MAPKAP1: variants seen among roughly 807,000 people sequenced by gnomAD.
The protein encoded by MAPKAP1 is MAPK associated protein 1.
In MAPKAP1, 20 loss-of-function variants were observed where a neutral mutation model predicts 65.7. That is an observed-to-expected ratio of 0.30 (90% CI 0.21 to 0.44). The LOEUF is 0.44. Ranked by LOEUF, MAPKAP1 falls within the 20% of genes least tolerant of loss-of-function variation. The pLI, the probability that MAPKAP1 is intolerant of heterozygous loss-of-function variation, is 1.00. For missense variants in MAPKAP1, 423 were observed against 648.0 expected (o/e 0.65, Z 3.77); for synonymous variants, 222 against 244.3 (o/e 0.91, Z 0.85).
At chr9:125,478,219 A>G (rs1159816710) in intron 9 of MAPKAP1, 18 of 152,338 alleles carry the variant, frequency 1.2e-4, no homozygotes, top group Non-Finnish European at 4.4e-5. Flanking sequence ...CAGTACGTGG[A>G]CATTCATCTC....
At chr9:125,648,141 G>A (rs916316514) in intron 4 of MAPKAP1, among the ~76,000 whole-genome samples, 1 of 151,986 alleles carries the variant, frequency 6.6e-6, no homozygotes. Context: ...CAAGAGTCTA[G>A]GAAAAAGAGC....
chr9:125,656,517 T>C (rs1834036266), intron 4 of MAPKAP1, among the ~76,000 whole-genome samples: 1 of 152,130 alleles, frequency 6.6e-6, no homozygotes, highest in African/African-American at 2.4e-5. Context: ...CATGTGCCAG[T>C]GGCCATACAT....
At chr9:125,600,306 A>G (rs1367932305) in intron 4 of MAPKAP1, among the ~76,000 whole-genome samples, 3 of 151,988 alleles carry the variant, frequency 2.0e-5, no homozygotes, top group African/African-American at 7.2e-5. Context: ...TGATACTGGC[A>G]GTTTTCACCA....
At chr9:125,582,746 T>C (rs1831662502) in intron 5 of MAPKAP1, among the ~76,000 whole-genome samples, 1 of 152,242 alleles carries the variant, frequency 6.6e-6, no homozygotes, top group Non-Finnish European at 1.5e-5. Context: ...CTAGTTTCTG[T>C]CATTTCCTCT....
intron 10 of MAPKAP1, among the ~76,000 whole-genome samples, chr9:125,450,536 T>C (rs1185153113): frequency 1.3e-5 from 2 of 152,224 alleles, no homozygotes; most frequent in African/African-American, 2.4e-5. Flanking sequence ...TTCCAACCAG[T>C]AGACGTGAGC....
Position 125,707,126 on chromosome 9 carries a change from T to A in MAPKAP1, c.-225A>T. ...CCTCCCGGCCCGCTCAGCTGCCGCTTCCCGGGTTAGCCCTCATGCCCCTGC... is the reference window on the plus strand; with the variant it reads ...CCTCCCGGCCCGCTCAGCTGCCGCTACCCGGGTTAGCCCTCATGCCCCTGC... On this transcript the variant is annotated 5_prime_UTR_variant, in exon 1 of 12. Coordinates refer to ENST00000265960, the MANE Select transcript of MAPKAP1 (RefSeq NM_001006617.3). The A allele has an allele frequency of 2.5e-6, 1 of 398,238 alleles. No homozygotes were observed. The highest frequency in any genetic ancestry group is 4.4e-6 in the Non-Finnish European group (1 of 225,816). 24.7% of individuals were successfully genotyped at this position (398,238 alleles called of 1,614,324 possible). A position where few individuals can be genotyped will look rare whatever the true frequency, so the allele number is the denominator to read the frequency against.
intron 5 of MAPKAP1, among the ~76,000 whole-genome samples, chr9:125,583,186 T>TA (rs1162199871): frequency 2.0e-5 from 3 of 152,214 alleles, no homozygotes; most frequent in Non-Finnish European, 4.4e-5. Flanking sequence ...AGCATGAACT[T>TA]AAAGGTCTAT....
chr9:125,459,856 G>GAGAGA (rs1337993291), intron 10 of MAPKAP1, among the ~76,000 whole-genome samples: 1 of 136,986 alleles, frequency 7.3e-6, no homozygotes, highest in African/African-American at 2.7e-5. Flanking sequence ...GAGACCGTGG[G>GAGAGA]GAGAGGGAGA....
intron 8 of MAPKAP1, among the ~76,000 whole-genome samples, chr9:125,501,157 C>T (rs537503256): frequency 6.6e-6 from 1 of 152,310 alleles, no homozygotes; most frequent in Admixed American, 6.5e-5. Flanking sequence ...GCATGCTCAC[C>T]TTAGAAACTC....
chr9:125,607,880 T>G (rs1006987980), intron 4 of MAPKAP1, among the ~76,000 whole-genome samples: 2 of 152,236 alleles, frequency 1.3e-5, no homozygotes, highest in African/African-American at 4.8e-5. Flanking sequence ...GGGCTTGATC[T>G]CTTGACCTTG....
At chr9:125,703,626 G>A (rs1444457018) in intron 1 of MAPKAP1, among the ~76,000 whole-genome samples, 1 of 152,088 alleles carries the variant, frequency 6.6e-6, no homozygotes, top group African/African-American at 2.4e-5. Context: ...ACAAAAATTG[G>A]CCAGGCGTGG....
At chr9:125,574,960 G>A (rs1831348119) in intron 5 of MAPKAP1, among the ~76,000 whole-genome samples, 1 of 152,208 alleles carries the variant, frequency 6.6e-6, no homozygotes, top group Non-Finnish European at 1.5e-5. Context: ...CCAGCCTGTA[G>A]CTGTGAATCT....
rs185955629 is a variant in MAPKAP1 at position 125,563,258 on chromosome 9, C to T, written c.672-3449G>A. Among the ~76,000 whole-genome samples the T allele has an allele frequency of 3.9e-5, 6 of 152,276 alleles. No individual in the cohort carries two copies. The East Asian group carries it at 5.8e-4, about 15-fold the overall frequency. ...CTGGTCCCTGCCTCAGGAAACCCCC[C>T]GATACAGACATCTCAGAGTTTACAA... On this transcript the variant is annotated intron_variant, in intron 5 of 11. Transcript: ENST00000265960.
rs78940334 is a variant in MAPKAP1, at chr9:125,704,821, T to C, written c.-70+2150A>G. 4.1e-3 allele frequency among the ~76,000 whole-genome samples: 623 copies of C among 152,320 alleles called. 6 individuals carry two copies. Among genetic ancestry groups the C allele is most frequent in the African/African-American group, 0.014 (588 of 41,558 alleles). ...ACCTTTGTATCTTATAGCTATTTATTTCGGGGGACTTTACCACGTACCAGG... is the reference window on the plus strand; with the variant it reads ...ACCTTTGTATCTTATAGCTATTTATCTCGGGGGACTTTACCACGTACCAGG... On this transcript the variant is annotated intron_variant, in intron 1 of 11. Transcript: ENST00000265960.
chr9:125,520,621 T>C (rs1179174832), intron 7 of MAPKAP1, among the ~76,000 whole-genome samples: 2 of 152,212 alleles, frequency 1.3e-5, no homozygotes, highest in East Asian at 1.9e-4. Context: ...TTGTACTACA[T>C]ATATGCAAGT....
chr9:125,492,637 A>C (rs118158349), intron 8 of MAPKAP1, among the ~76,000 whole-genome samples: 4,792 of 152,344 alleles, frequency 0.031, 119 homozygotes, highest in Middle Eastern at 0.058. Context: ...ATATTACTGG[A>C]AGATTCCTTG....
intron 4 of MAPKAP1, among the ~76,000 whole-genome samples, chr9:125,604,321 C>A (rs1276637407): frequency 6.6e-6 from 1 of 152,216 alleles, no homozygotes; most frequent in Non-Finnish European, 1.5e-5. Flanking sequence ...CCTTGCACAG[C>A]ACCACACTAT....
At chr9:125,599,596 G>A (rs1310387448) in intron 4 of MAPKAP1, among the ~76,000 whole-genome samples, 2 of 139,446 alleles carry the variant, frequency 1.4e-5, no homozygotes, top group African/African-American at 2.6e-5. Flanking sequence ...TATGATAAAT[G>A]TAAGTCCCTT....
At chr9:125,484,390 C>T in intron 9 of MAPKAP1, 53 bp downstream of exon 9, 2 of 1,552,366 alleles carry the variant, frequency 1.3e-6, no homozygotes, top group South Asian at 1.3e-5. Context: ...TTCCCCATTT[C>T]TACACCGACT....
Sources: allele counts gnomAD v4.1 joint callset (sites outside exome capture counted in the v4.1 genomes callset), GRCh38; gene constraint gnomAD v4.1.1; transcripts MANE v1.5; gene names NCBI Gene and HGNC (gene_info 2026-07-23, HGNC 2026-07-21).